STEAP1B: variants seen among roughly 807,000 people sequenced by gnomAD.
The protein encoded by STEAP1B is STEAP family protein MGC87042.
A neutral mutation model predicts 27.9 loss-of-function variants in STEAP1B; 13 were observed. The ratio of observed to expected loss-of-function variants is 0.47; its 90% CI spans 0.30 to 0.74. STEAP1B has a LOEUF of 0.74. Among genes scored for constraint, STEAP1B ranks in the 30% least tolerant of loss-of-function variants. The pLI, the probability that STEAP1B is intolerant of heterozygous loss-of-function variation, is 0.06. For synonymous variants in STEAP1B, 86 were observed against 107.1 expected, an observed-to-expected ratio of 0.80 and a Z score of 1.22; for missense variants, 250 against 298.7, an observed-to-expected ratio of 0.84 and a Z score of 1.20.
At chr7:22,426,080 T>G (rs1785103174) in intron 4 of STEAP1B, among the ~76,000 whole-genome samples, 1 of 151,934 alleles carries the variant, frequency 6.6e-6, no homozygotes, top group Admixed American at 6.6e-5. Flanking sequence ...ACCAGCCCAA[T>G]GTGGCCATCA....
At chr7:22,440,541 A>C (rs1785317743) in intron 4 of STEAP1B, among the ~76,000 whole-genome samples, 1 of 152,164 alleles carries the variant, frequency 6.6e-6, no homozygotes, top group African/African-American at 2.4e-5. Context: ...AAAATTGAGA[A>C]TACTCCCCAT....
chr7:22,419,965 G>C, intron 4 of STEAP1B, 129 bp from the exon 5 acceptor site: 1 of 1,108,370 alleles, frequency 9.0e-7, no homozygotes, highest in South Asian at 1.8e-5. Flanking sequence ...AGTCACCAGG[G>C]AGTCAGGGCA....
chr7:22,456,672 TC>T (rs1399807435), intron 4 of STEAP1B, among the ~76,000 whole-genome samples: 4 of 151,946 alleles, frequency 2.6e-5, no homozygotes, highest in Non-Finnish European at 4.4e-5. Context: ...AATGTCTGAC[TC>T]CTTGAGTCAT....
chr7:22,439,725 T>C (rs571022845), intron 4 of STEAP1B, among the ~76,000 whole-genome samples: 19 of 152,334 alleles, frequency 1.2e-4, no homozygotes, highest in Admixed American at 2.6e-4. Context: ...TCCACTGTGA[T>C]TGATATTCCA....
intron 4 of STEAP1B, among the ~76,000 whole-genome samples, chr7:22,468,183 ATTAT>A (rs1785818852): frequency 6.6e-6 from 1 of 152,118 alleles, no homozygotes; most frequent in African/African-American, 2.4e-5. Context: ...TATATTTGGG[ATTAT>A]TTATACTAAA....
At chr7:22,428,143 G>A (rs187698857) in intron 4 of STEAP1B, among the ~76,000 whole-genome samples, 6 of 152,276 alleles carry the variant, frequency 3.9e-5, no homozygotes, top group Admixed American at 6.5e-5. Context: ...AACTTAGCAC[G>A]GCAGCCAAGG....
At chr7:22,469,670 T>C (rs764085281) in intron 4 of STEAP1B, among the ~76,000 whole-genome samples, 1 of 152,198 alleles carries the variant, frequency 6.6e-6, no homozygotes, top group Non-Finnish European at 1.5e-5. Flanking sequence ...TCAACAGATT[T>C]GTAGCTAGGA....
intron 4 of STEAP1B, among the ~76,000 whole-genome samples, chr7:22,480,123 G>A (rs1786043325): frequency 1.3e-5 from 2 of 152,150 alleles, no homozygotes; most frequent in East Asian, 3.8e-4. Context: ...TGGACATCTA[G>A]AAAAGCATTT....
chr7:22,470,821 A>T (rs1294321162), intron 4 of STEAP1B, among the ~76,000 whole-genome samples: 1 of 152,172 alleles, frequency 6.6e-6, no homozygotes, highest in Non-Finnish European at 1.5e-5. Context: ...GTGAAGCATA[A>T]ATGAGAACTC....
chr7:22,478,089 G>C (rs994820409), intron 4 of STEAP1B, among the ~76,000 whole-genome samples: 4 of 152,178 alleles, frequency 2.6e-5, no homozygotes, highest in Admixed American at 2.0e-4. Context: ...GGGCGCTCAG[G>C]GGAAGTTGCT....
At position 22,419,639 on chromosome 7, in the gene STEAP1B, C is replaced by T. The variant is rs1785020061; in HGVS notation, c.*165G>A. 2 of 637,490 alleles carry T rather than the reference C, an allele frequency of 3.1e-6. No individual in the cohort carries two copies. Among genetic ancestry groups the T allele is most frequent in the African/African-American group, 1.9e-5 (1 of 53,668 alleles). The allele number at this position is 637,490 out of a possible 1,614,324, so 39.5% of individuals were successfully genotyped here. A position where few individuals can be genotyped will look rare whatever the true frequency, so the allele number is the denominator to read the frequency against. On this transcript the variant is annotated 3_prime_UTR_variant, in exon 5 of 5. Coordinates refer to ENST00000678116, the MANE Select transcript of STEAP1B (RefSeq NM_001382447.1). ...TCTCATGAGTCCGCTGGGGGATCCA[C>T]TCATCTGCCCTGCCGGATCCATGTT...
chr7:22,463,775 C>G (rs1361934690), intron 4 of STEAP1B, among the ~76,000 whole-genome samples: 1 of 151,828 alleles, frequency 6.6e-6, no homozygotes, highest in Admixed American at 6.6e-5. Flanking sequence ...GAAACTGGAT[C>G]CCTTCCTTAC....
intron 4 of STEAP1B, among the ~76,000 whole-genome samples, chr7:22,464,053 C>A (rs1439264636): frequency 1.3e-5 from 2 of 152,118 alleles, no homozygotes; most frequent in African/African-American, 4.8e-5. Flanking sequence ...TCGCAACCTA[C>A]TCATCTGACA....
rs1472858885 is a variant in STEAP1B at position 22,454,872 on chromosome 7, T to A, written c.763-35036A>T. On this transcript the variant is annotated intron_variant, in intron 4 of 4. Transcript: ENST00000678116. ...ATGTATATATATATATATATTTTTT[T>A]TTTTTTTTGAGACAGAGTCTCGCTG... Among the ~76,000 whole-genome samples, 373 of 56,258 alleles carry A rather than the reference T, an allele frequency of 6.6e-3. 4 individuals are homozygous for A. Among genetic ancestry groups the A allele is most frequent in the South Asian group, 0.035 (50 of 1,418 alleles). The allele number at this position is 56,258 out of a possible 152,430, so 36.9% of individuals were successfully genotyped here. A position where few individuals can be genotyped will look rare whatever the true frequency, so the allele number is the denominator to read the frequency against.
At chr7:22,474,212 T>A (rs190285490) in intron 4 of STEAP1B, among the ~76,000 whole-genome samples, 8 of 152,320 alleles carry the variant, frequency 5.3e-5, no homozygotes, top group Admixed American at 4.6e-4. Context: ...AGATGTCCCA[T>A]GATCATTTAA....
intron 4 of STEAP1B, among the ~76,000 whole-genome samples, chr7:22,452,823 T>C (rs1339643263): frequency 6.6e-6 from 1 of 152,168 alleles, no homozygotes; most frequent in Non-Finnish European, 1.5e-5. Context: ...TTCTCACGTG[T>C]TCAGGAAGAA....
intron 4 of STEAP1B, among the ~76,000 whole-genome samples, chr7:22,444,609 T>A (rs1232503302): frequency 1.3e-5 from 2 of 152,178 alleles, no homozygotes; most frequent in Non-Finnish European, 1.5e-5. Context: ...GCAGCAACCC[T>A]GGGAGAAATA....
At position 22,456,952 on chromosome 7, in the gene STEAP1B, C is replaced by CTATA. The variant is rs199847360; in HGVS notation, c.762+35609_762+35612dup. ...TTCAGAATGGGGGTGGGATAGGCAG[C>CTATA]TATATATATATATATATATATTTTT... On this transcript the variant is annotated intron_variant, in intron 4 of 4. Coordinates refer to ENST00000678116, the MANE Select transcript of STEAP1B (RefSeq NM_001382447.1). Among the ~76,000 whole-genome samples, 24 of 73,250 alleles carry CTATA rather than the reference C, an allele frequency of 3.3e-4. 1 individual carries two copies. The highest frequency in any genetic ancestry group is 2.7e-3 in the East Asian group (5 of 1,866). 48.1% of individuals were successfully genotyped at this position (73,250 alleles called of 152,430 possible). A position where few individuals can be genotyped will look rare whatever the true frequency, so the allele number is the denominator to read the frequency against.
At chr7:22,465,612 AG>A (rs200227340) in intron 4 of STEAP1B, among the ~76,000 whole-genome samples, 1,594 of 152,270 alleles carry the variant, frequency 0.01, 20 homozygotes, top group South Asian at 0.066. Flanking sequence ...CACATGCAGT[AG>A]GGGTTCTCTG....
Sources: allele counts gnomAD v4.1 joint callset (sites outside exome capture counted in the v4.1 genomes callset), GRCh38; gene constraint gnomAD v4.1.1; transcripts MANE v1.5; gene names NCBI Gene and HGNC (gene_info 2026-07-23, HGNC 2026-07-21).